ANXA1: variants seen among roughly 807,000 people sequenced by gnomAD.
The protein encoded by ANXA1 is annexin A1.
Under a neutral mutation model 47.9 loss-of-function variants are expected in ANXA1, and 39 were observed. The observed-to-expected ratio is 0.81, with a 90% confidence interval of 0.63 to 1.06. ANXA1 has a LOEUF of 1.06. Among genes scored for constraint, ANXA1 ranks in the 50% least tolerant of loss-of-function variants. The pLI is 0.00. For synonymous variants in ANXA1, 146 were observed against 142.5 expected (o/e 1.02, Z -0.17); for missense variants, 446 against 422.7 (o/e 1.06, Z -0.48).
At chr9:73,163,203 A>G (rs1824172345) in intron 7 of ANXA1, among the ~76,000 whole-genome samples, 1 of 152,090 alleles carries the variant, frequency 6.6e-6, no homozygotes, top group African/African-American at 2.4e-5. Flanking sequence ...CAGTGACGGC[A>G]TTAATCTCTT....
At chr9:73,160,240 G>A in intron 4 of ANXA1, 23 bp from the exon 5 acceptor site, 3 of 1,504,786 alleles carry the variant, frequency 2.0e-6, no homozygotes, top group South Asian at 1.3e-5. Flanking sequence ...TGGAAGTCCT[G>A]ATTCTAATCT....
Position 73,163,504 on chromosome 9 carries a change from A to G in ANXA1, c.584A>G (p.Asn195Ser). 2 of 1,613,022 alleles carry G rather than the reference A, an allele frequency of 1.2e-6. No homozygotes were observed. The highest frequency in any genetic ancestry group is 1.7e-6 in the Non-Finnish European group (2 of 1,179,220). ...KGDRSEDFGVNEDLADSDARA... is the reference protein window; with the variant it reads ...KGDRSEDFGVSEDLADSDARA... ...GACCGATCTGAGGACTTTGGTGTGA[A>G]TGAAGACTTGGCTGATTCAGATGCC... Residue 195 changes from asparagine to serine, a missense_variant, in exon 8 of 13, where the codon AAT (asparagine) becomes AGT (serine). Physicochemically the swap from Asn to Ser is conservative, Grantham distance 46. Coordinates refer to ENST00000257497, the MANE Select transcript of ANXA1 (RefSeq NM_000700.3).
intron 1 of ANXA1, among the ~76,000 whole-genome samples, chr9:73,156,155 A>AAAT (rs1554673382): frequency 2.2e-4 from 32 of 145,366 alleles, no homozygotes; most frequent in African/African-American, 7.4e-4. Context: ...TAATATAAAT[A>AAAT]AATAAATAAA....
chr9:73,161,595 T>A (rs1202925375), intron 6 of ANXA1, among the ~76,000 whole-genome samples: 1 of 152,132 alleles, frequency 6.6e-6, no homozygotes, highest in Non-Finnish European at 1.5e-5. Context: ...ATATGGCATA[T>A]AGAAGATCTT....
chr9:73,158,759 C>T lies in ANXA1; in HGVS notation c.131C>T (p.Pro44Leu). ...SAVSPYPTFN[P>L]SSDVAALHKA... ...GTGAGCCCCTATCCTACCTTCAATC[C>T]ATCCTCGGATGTCGCTGCCTTGCAT... Residue 44 changes from proline (P) to leucine (L), a missense_variant, in exon 3 of 13, where the codon CCA becomes CTA. Pro to Leu is a moderately conservative substitution (Grantham distance 98, BLOSUM62 -3). Transcript: ENST00000257497. The T allele has an allele frequency of 1.2e-6, 2 of 1,613,934 alleles. No individual in the cohort carries two copies. The highest frequency in any genetic ancestry group is 1.7e-6 in the Non-Finnish European group (2 of 1,179,888).
At chr9:73,159,281 G>T in intron 3 of ANXA1, 48 bp from the exon 4 acceptor site, 2 of 1,402,540 alleles carry the variant, frequency 1.4e-6, no homozygotes, top group South Asian at 1.2e-5. Flanking sequence ...TATGTCAATT[G>T]ATGATGAAGA....
intron 1 of ANXA1, among the ~76,000 whole-genome samples, chr9:73,156,116 A>G (rs1824041937): frequency 1.2e-5 from 1 of 83,156 alleles, no homozygotes; most frequent in African/African-American, 5.0e-5. Context: ...TAATAATAAT[A>G]ATAATAATAA....
intron 12 of ANXA1, among the ~76,000 whole-genome samples, 195 bp downstream of exon 12, chr9:73,169,349 G>A (rs1824286599): frequency 6.6e-6 from 1 of 151,936 alleles, no homozygotes; most frequent in Non-Finnish European, 1.5e-5. Flanking sequence ...TGAAATACTG[G>A]GTACATTTTT....
At chr9:73,161,117 G>GCC (rs1245054737) in intron 6 of ANXA1, among the ~76,000 whole-genome samples, 1 of 152,090 alleles carries the variant, frequency 6.6e-6, no homozygotes, top group Non-Finnish European at 1.5e-5. Context: ...CATCAAGCTT[G>GCC]CGTTTTAATA....
intron 7 of ANXA1, 61 bp from the exon 8 acceptor site, chr9:73,163,415 T>C: frequency 6.8e-7 from 1 of 1,474,646 alleles, no homozygotes; most frequent in Non-Finnish European, 9.4e-7. Flanking sequence ...TTAAGATAAT[T>C]AAGTAAATCA....
chr9:73,158,879 AT>A, intron 3 of ANXA1, 76 bp downstream of exon 3: 1 of 1,132,958 alleles, frequency 8.8e-7, no homozygotes, highest in East Asian at 2.4e-5. Context: ...AAAAACAGAC[AT>A]GTGCAATGGA....
rs769885279 is a variant in ANXA1 at position 73,159,315 on chromosome 9, C to A, written c.176-14C>A. 15 of 1,607,780 alleles carry A rather than the reference C, an allele frequency of 9.3e-6. No homozygotes were observed. Among genetic ancestry groups the A allele is most frequent in the Non-Finnish European group, 1.3e-5 (15 of 1,174,932 alleles). On this transcript the variant is annotated splice_polypyrimidine_tract_variant and intron_variant, in intron 3 of 12. Coordinates refer to ENST00000257497, the MANE Select transcript of ANXA1 (RefSeq NM_000700.3). ...GAAAATTGGTGTTAAAGGCTGTTGG[C>A]CCTTTATTTCCAGGTGTGGATGAAG... is the stretch of plus-strand genomic sequence containing the variant.
At chr9:73,166,718 A>T (rs912062835) in intron 10 of ANXA1, among the ~76,000 whole-genome samples, 1 of 152,068 alleles carries the variant, frequency 6.6e-6, no homozygotes, top group Non-Finnish European at 1.5e-5. Context: ...CTCATTCATG[A>T]CTATGCACTT....
At chr9:73,165,981 G>A (rs1267183250) in intron 9 of ANXA1, 116 bp from the exon 10 acceptor site, 1 of 656,904 alleles carries the variant, frequency 1.5e-6, no homozygotes, top group Non-Finnish European at 2.6e-6. Context: ...TGCTTTAAAA[G>A]GTGTAGCCAA....
At chr9:73,168,582 T>C (rs544722263) in intron 11 of ANXA1, 2 of 154,518 alleles carry the variant, frequency 1.3e-5, no homozygotes, top group East Asian at 3.8e-4. Context: ...AGAGTGATGG[T>C]GCACACTGGA....
intron 10 of ANXA1, 133 bp downstream of exon 10, chr9:73,166,325 T>G: frequency 1.6e-6 from 1 of 634,246 alleles, no homozygotes; most frequent in Non-Finnish European, 2.7e-6. Context: ...GTGCATCTGT[T>G]TCAATTGAAG....
chr9:73,163,176 G>A (rs1435091357), intron 7 of ANXA1, among the ~76,000 whole-genome samples: 1 of 152,056 alleles, frequency 6.6e-6, no homozygotes, highest in Non-Finnish European at 1.5e-5. Flanking sequence ...TGGTTCTCAT[G>A]AGCAAGAACT....
intron 8 of ANXA1, among the ~76,000 whole-genome samples, chr9:73,164,634 A>G (rs1157336295): frequency 6.6e-6 from 1 of 152,142 alleles, no homozygotes; most frequent in Non-Finnish European, 1.5e-5. Context: ...AAAATCTGTC[A>G]TTTAGTAAGG....
intron 7 of ANXA1, 60 bp downstream of exon 7, chr9:73,162,921 A>G: frequency 2.9e-6 from 4 of 1,363,844 alleles, no homozygotes; most frequent in Non-Finnish European, 4.2e-6. Context: ...TTCTTAGTCC[A>G]TTTTGTGTTG....
Sources: allele counts gnomAD v4.1 joint callset (sites outside exome capture counted in the v4.1 genomes callset), GRCh38; gene constraint gnomAD v4.1.1; transcripts MANE v1.5; gene names NCBI Gene and HGNC (gene_info 2026-07-23, HGNC 2026-07-21).